BCAT1: variants seen among roughly 807,000 people sequenced by gnomAD.
BCAT1 encodes the protein branched-chain-amino-acid aminotransferase, cytosolic.
BCAT1 carries 48 observed loss-of-function variants against 52.4 expected under a neutral mutation model. The observed-to-expected ratio is 0.92, with a 90% CI of 0.73 to 1.16. BCAT1 has a LOEUF of 1.16. BCAT1 is among the 50% of genes most tolerant of loss of function. The pLI is 0.00. For synonymous variants in BCAT1, 167 were observed against 161.3 expected, an observed-to-expected ratio of 1.04 and a Z score of -0.27; for missense variants, 451 against 457.1, an observed-to-expected ratio of 0.99 and a Z score of 0.12.
chr12:24,818,984 C>T (rs1366967718), intron 10 of BCAT1, among the ~76,000 whole-genome samples: 2 of 152,046 alleles, frequency 1.3e-5, no homozygotes, highest in African/African-American at 4.8e-5. Context: ...GGCTTATTAC[C>T]TCATTTAATA....
chr12:24,935,357 C>T (rs759566175), intron 1 of BCAT1, among the ~76,000 whole-genome samples: 1 of 152,134 alleles, frequency 6.6e-6, no homozygotes, highest in East Asian at 1.9e-4. Flanking sequence ...GGAAAGAGAG[C>T]TCTACATGTG....
chr12:24,925,376 C>T (rs1943562927), intron 1 of BCAT1, among the ~76,000 whole-genome samples: 1 of 152,142 alleles, frequency 6.6e-6, no homozygotes, highest in Non-Finnish European at 1.5e-5. Flanking sequence ...TGCCAGCTCC[C>T]ACAATCACAT....
At chr12:24,831,130 C>G (rs11047669) in intron 9 of BCAT1, among the ~76,000 whole-genome samples, 17,015 of 152,218 alleles carry the variant, frequency 0.11, 1,080 homozygotes, top group Non-Finnish European at 0.13. Context: ...TCAGCCTACT[C>G]AACATGATGG....
chr12:24,874,172 G>T (rs749531961), intron 5 of BCAT1, among the ~76,000 whole-genome samples: 2 of 152,086 alleles, frequency 1.3e-5, no homozygotes, highest in Non-Finnish European at 2.9e-5. Flanking sequence ...AAATTAGCTG[G>T]GCATGGTGGC....
At chr12:24,833,362 T>C (rs1940770608) in intron 8 of BCAT1, among the ~76,000 whole-genome samples, 1 of 151,844 alleles carries the variant, frequency 6.6e-6, no homozygotes, top group African/African-American at 2.4e-5. Flanking sequence ...CTACTAAAAA[T>C]ACAAAAATTA....
At position 24,830,167 on chromosome 12, in the gene BCAT1, A is replaced by G. The variant is rs28491628; in HGVS notation, c.1045-270T>C. 766 of 308,020 alleles carry G rather than the reference A, an allele frequency of 2.5e-3. 3 individuals are homozygous for G. Among genetic ancestry groups the G allele is most frequent in the African/African-American group, 0.016 (730 of 46,720 alleles). 19.1% of individuals were successfully genotyped at this position (308,020 alleles called of 1,614,324 possible). A position where few individuals can be genotyped will look rare whatever the true frequency, so the allele number is the denominator to read the frequency against. ...GGTTTGTATACCAGCCTTCAGGATC[A>G]TTTGAAGAACCAAGGAGGAGCTACA... On this transcript the variant is annotated intron_variant, in intron 9 of 10. Coordinates refer to ENST00000261192, the MANE Select transcript of BCAT1 (RefSeq NM_005504.7).
chr12:24,872,147 G>A (rs1009651754), intron 5 of BCAT1, among the ~76,000 whole-genome samples: 3 of 152,144 alleles, frequency 2.0e-5, no homozygotes, highest in Non-Finnish European at 4.4e-5. Flanking sequence ...CACAAATAGA[G>A]GCAGTGAATA....
intron 1 of BCAT1, among the ~76,000 whole-genome samples, chr12:24,922,714 T>G (rs929063819): frequency 5.9e-5 from 9 of 151,634 alleles, no homozygotes; most frequent in Admixed American, 5.3e-4. Flanking sequence ...CTACTAAAAA[T>G]ACAAAAATTA....
At chr12:24,844,877 A>G (rs1941291994) in intron 6 of BCAT1, among the ~76,000 whole-genome samples, 1 of 105,362 alleles carries the variant, frequency 9.5e-6, no homozygotes, top group South Asian at 3.4e-4. Flanking sequence ...AGTCTGAGCG[A>G]CAGAGTGAGA....
chr12:24,838,601 A>T lies in BCAT1; in HGVS notation c.818-2005T>A, dbSNP rs74071928. 6.7e-3 allele frequency among the ~76,000 whole-genome samples: 1,016 copies of T among 152,214 alleles called. 8 individuals carry two copies. The highest frequency in any genetic ancestry group is 0.024 in the African/African-American group (978 of 41,532). On this transcript the variant is annotated intron_variant, in intron 7 of 10. Coordinates refer to ENST00000261192, the MANE Select transcript of BCAT1 (RefSeq NM_005504.7). Reference sequence around the variant, plus strand: ...TGAGACTACATGAAGTTAAATGAAAACAGCAGCCCCGCATGTGCAAGTGCT... The same window carrying T: ...TGAGACTACATGAAGTTAAATGAAATCAGCAGCCCCGCATGTGCAAGTGCT...
chr12:24,925,691 C>T (rs1943567621), intron 1 of BCAT1, among the ~76,000 whole-genome samples: 1 of 152,166 alleles, frequency 6.6e-6, no homozygotes, highest in African/African-American at 2.4e-5. Context: ...ACCTCCCTGC[C>T]TGATTGTCCT....
At chr12:24,943,776 A>T (rs994540466) in intron 1 of BCAT1, among the ~76,000 whole-genome samples, 16 of 152,062 alleles carry the variant, frequency 1.1e-4, no homozygotes, top group Admixed American at 9.8e-4. Flanking sequence ...CGAGGTCAGG[A>T]GATCAAGACC....
rs1939730614 is a variant in BCAT1, at chr12:24,812,729, C to T, written c.*5279G>A. 6.6e-6 allele frequency: 1 copy of T among 151,940 alleles called. No individual in the cohort carries two copies. The allele number at this position is 151,940 out of a possible 1,614,324, so 9.4% of individuals were successfully genotyped here. On this transcript the variant is annotated 3_prime_UTR_variant, in exon 11 of 11. Coordinates refer to ENST00000261192, the MANE Select transcript of BCAT1 (RefSeq NM_005504.7). ...CCTTTCTTCTCTACCTCCACTTATT[C>T]TTCCTCTGATATCATCTTTCATTAA...
At chr12:24,851,337 G>A (rs911241512) in intron 5 of BCAT1, among the ~76,000 whole-genome samples, 25 of 152,176 alleles carry the variant, frequency 1.6e-4, no homozygotes, top group African/African-American at 6.0e-4. Flanking sequence ...AATGTTTCTG[G>A]AGGGATATTT....
intron 8 of BCAT1, 33 bp downstream of exon 8, chr12:24,836,478 C>CT: frequency 6.5e-7 from 1 of 1,549,408 alleles, no homozygotes; most frequent in Non-Finnish European, 8.9e-7. Context: ...TTATTTCAGG[C>CT]TTACAAAAGT....
intron 10 of BCAT1, 133 bp downstream of exon 10, chr12:24,829,688 AAC>A: frequency 1.4e-6 from 1 of 734,888 alleles, no homozygotes; most frequent in Non-Finnish European, 2.1e-6. Flanking sequence ...CCTTAAATTT[AAC>A]TTATTGATCT....
chr12:24,939,008 G>T (rs1008950047), intron 1 of BCAT1, among the ~76,000 whole-genome samples: 1 of 152,096 alleles, frequency 6.6e-6, no homozygotes, highest in Non-Finnish European at 1.5e-5. Context: ...CCAGTAGCTG[G>T]GATTGCAGGT....
intron 1 of BCAT1, among the ~76,000 whole-genome samples, chr12:24,943,716 G>A (rs1244992873): frequency 6.6e-6 from 1 of 152,160 alleles, no homozygotes; most frequent in Non-Finnish European, 1.5e-5. Flanking sequence ...CGGGAGCGGT[G>A]GCTCACGCCT....
chr12:24,870,959 G>C (rs987606559), intron 5 of BCAT1, among the ~76,000 whole-genome samples: 1 of 152,066 alleles, frequency 6.6e-6, no homozygotes, highest in African/African-American at 2.4e-5. Context: ...GGAGGTGGAG[G>C]TTGCAGTGAG....
Sources: allele counts gnomAD v4.1 joint callset (sites outside exome capture counted in the v4.1 genomes callset), GRCh38; gene constraint gnomAD v4.1.1; transcripts MANE v1.5; gene names NCBI Gene and HGNC (gene_info 2026-07-23, HGNC 2026-07-21).